The following EVC2 variants were observed in gnomAD, a reference collection of about 807,000 sequenced individuals.
EVC2 encodes EvC ciliary complex subunit 2.
EVC2 carries 148 observed loss-of-function variants against 149.3 expected under a neutral mutation model. That is an observed-to-expected ratio of 0.99 (90% CI 0.87 to 1.14). EVC2 has a LOEUF of 1.14. Ranked by LOEUF, EVC2 falls within the 50% of genes most tolerant of loss-of-function variation. The pLI, the probability that EVC2 is intolerant of heterozygous loss-of-function variation, is 0.00. For missense variants in EVC2, 1,854 were observed against 1,627.3 expected, an observed-to-expected ratio of 1.14 and a Z score of -2.40; for synonymous variants, 776 against 649.9, an observed-to-expected ratio of 1.19 and a Z score of -2.95.
At chr4:5,584,922 C>T in intron 16 of EVC2, 72 bp from the exon 17 acceptor site, 2 of 1,527,512 alleles carry the variant, frequency 1.3e-6, no homozygotes, top group Non-Finnish European at 1.8e-6. Context: ...AACAAACAGC[C>T]TTTCAGAGTT....
chr4:5,700,135 G>C (rs947293882), intron 1 of EVC2, among the ~76,000 whole-genome samples: 1 of 151,996 alleles, frequency 6.6e-6, no homozygotes, highest in Non-Finnish European at 1.5e-5. Context: ...GCGAGACTCC[G>C]TCTCAAAAAA....
At chr4:5,615,608 C>T in intron 15 of EVC2, 64 bp from the exon 16 acceptor site, 7 of 1,612,600 alleles carry the variant, frequency 4.3e-6, no homozygotes, top group Non-Finnish European at 5.9e-6. Flanking sequence ...TGCAGCTCCC[C>T]CGAGGGCTTT....
chr4:5,555,739 G>A (rs1473182430), intron 21 of EVC2, among the ~76,000 whole-genome samples: 1 of 152,138 alleles, frequency 6.6e-6, no homozygotes, highest in Non-Finnish European at 1.5e-5. Flanking sequence ...AGATCAAGCA[G>A]GCAAGAAATC....
At position 5,625,746 on chromosome 4, in the gene EVC2, T is replaced by C. The variant is rs1317545935; in HGVS notation, c.2046+3A>G. 1.9e-6 allele frequency: 3 copies of C among 1,614,080 alleles called. No individual in the cohort carries two copies. In the East Asian group the frequency reaches 6.7e-5, roughly 36 times the overall value. ...AGAATAAATAGCATCATGCCTTATA[T>C]ACCTTTTGTAGCAACTCTCGTCTTC... On this transcript the variant is annotated splice_donor_region_variant and intron_variant, in intron 13 of 21. Transcript: ENST00000344408. The surrounding 1 kb of genome is among the most constrained non-coding windows in gnomAD (Gnocchi z 4.0).
chr4:5,600,012 C>G (rs892971262), intron 16 of EVC2, among the ~76,000 whole-genome samples: 1 of 152,168 alleles, frequency 6.6e-6, no homozygotes, highest in Non-Finnish European at 1.5e-5. Flanking sequence ...CTTCTACCAC[C>G]CCTATCATCT....
intron 11 of EVC2, 90 bp downstream of exon 11, chr4:5,631,703 G>A (rs552671230): frequency 1.9e-6 from 3 of 1,549,720 alleles, no homozygotes; most frequent in African/African-American, 2.7e-5. Flanking sequence ...CAGTACAAAG[G>A]AGAGGCAGGA....
intron 1 of EVC2, among the ~76,000 whole-genome samples, chr4:5,699,642 C>CAAA (rs773633372): frequency 0.027 from 3,057 of 111,628 alleles, 124 homozygotes; most frequent in African/African-American, 0.099. Context: ...TCCATCTCTA[C>CAAA]AAAAAAAAAA....
downstream of EVC2, among the ~76,000 whole-genome samples, chr4:5,559,914 G>C (rs1721907436): frequency 6.6e-6 from 1 of 152,056 alleles, no homozygotes; most frequent in African/African-American, 2.4e-5. The surrounding 1 kb of genome is among the most constrained non-coding windows in gnomAD (Gnocchi z 5.0). Context: ...GCTGCTCATA[G>C]TGACTTCCTT....
In EVC2 at chr4:5,628,584, T is replaced by C. The variant is rs1286284839; in HGVS notation, c.1861A>G (p.Thr621Ala). 1 of 1,614,076 alleles carries C rather than the reference T, an allele frequency of 6.2e-7. No individual in the cohort carries two copies. Among genetic ancestry groups the C allele is most frequent in the Non-Finnish European group, 8.5e-7 (1 of 1,180,010 alleles). The change falls in exon 12 of 22, where the codon ACT (threonine) becomes GCT (alanine). Residue 621 changes from threonine to alanine, a missense_variant. By Grantham distance (58) the Thr-to-Ala change is moderately conservative (BLOSUM62 0). Transcript: ENST00000344408. Reference sequence around the variant, plus strand: ...CTCTCGTGCTTCTGAATGAGGTGAGTCAGCTGGGCTGCAGCGGTGCTCAGA... The same window carrying C: ...CTCTCGTGCTTCTGAATGAGGTGAGCCAGCTGGGCTGCAGCGGTGCTCAGA... Reference protein sequence around the residue: ...GLLSTAAAQLTHLIQKHERAG... With the variant: ...GLLSTAAAQLAHLIQKHERAG...
chr4:5,566,436 C>T (rs1016320064), intron 20 of EVC2, among the ~76,000 whole-genome samples: 3 of 152,188 alleles, frequency 2.0e-5, no homozygotes, highest in Non-Finnish European at 4.4e-5. Context: ...TTCCCTGGCC[C>T]TGCCCTTCCT....
At chr4:5,607,267 T>A (rs558545920) in intron 16 of EVC2, among the ~76,000 whole-genome samples, 6 of 152,308 alleles carry the variant, frequency 3.9e-5, no homozygotes, top group African/African-American at 1.4e-4. Context: ...TGAAAACAAT[T>A]GTAAAATTTC....
intron 7 of EVC2, among the ~76,000 whole-genome samples, chr4:5,669,804 T>C (rs1375409172): frequency 6.6e-6 from 1 of 152,192 alleles, no homozygotes; most frequent in Non-Finnish European, 1.5e-5. Flanking sequence ...GTGGGCAGTT[T>C]AGTGGAGCAG....
chr4:5,703,721 T>C (rs1268183174), intron 1 of EVC2, among the ~76,000 whole-genome samples: 5 of 152,228 alleles, frequency 3.3e-5, no homozygotes, highest in Admixed American at 1.3e-4. Context: ...AGAACACTAT[T>C]TAGGAAAATT....
At chr4:5,675,692 C>T (rs1328536985) in intron 7 of EVC2, among the ~76,000 whole-genome samples, 2 of 152,104 alleles carry the variant, frequency 1.3e-5, no homozygotes, top group Non-Finnish European at 2.9e-5. Flanking sequence ...TGCCTGTAAT[C>T]CCAGCACTTT....
At chr4:5,659,582 T>A (rs1158272261) in intron 9 of EVC2, among the ~76,000 whole-genome samples, 1 of 152,104 alleles carries the variant, frequency 6.6e-6, no homozygotes, top group Non-Finnish European at 1.5e-5. Context: ...GCATGCTTGA[T>A]AATCAATGCT....
At chr4:5,532,976 G>A in the EVC2 span, among the ~76,000 whole-genome samples, 1 of 151,116 alleles carries the variant, frequency 6.6e-6, no homozygotes, top group Non-Finnish European at 1.5e-5. Flanking sequence ...AGGAATAAAG[G>A]AACCGAACCT....
At chr4:5,702,070 G>A (rs140955862) in intron 1 of EVC2, among the ~76,000 whole-genome samples, 3 of 152,228 alleles carry the variant, frequency 2.0e-5, no homozygotes, top group African/African-American at 7.2e-5. Flanking sequence ...ATGAGAGTGG[G>A]TCACTTTCTT....
intron 9 of EVC2, among the ~76,000 whole-genome samples, chr4:5,645,588 A>T (rs1190882990): frequency 6.6e-6 from 1 of 152,176 alleles, no homozygotes; most frequent in African/African-American, 2.4e-5. Context: ...AAAAGACATG[A>T]TCTCACTCTT....
Position 5,689,356 on chromosome 4 carries a change from G to T in EVC2, c.520-13C>A. On this transcript the variant is annotated splice_polypyrimidine_tract_variant and intron_variant, in intron 4 of 21. Coordinates refer to ENST00000344408, the MANE Select transcript of EVC2 (RefSeq NM_147127.5). ...TCGACCCAGACACCTAGGGCAGAAG[G>T]AGAAGGCATGAGGGCAGATTTGCTG... 1 of 1,613,746 alleles carries T rather than the reference G, an allele frequency of 6.2e-7. No homozygotes were observed. Among genetic ancestry groups the T allele is most frequent in the South Asian group, 1.1e-5 (1 of 91,016 alleles).
Sources: allele counts gnomAD v4.1 joint callset (sites outside exome capture counted in the v4.1 genomes callset), GRCh38; gene constraint gnomAD v4.1.1; non-coding constraint Gnocchi (gnomAD v3.1); transcripts MANE v1.5; gene names NCBI Gene and HGNC (gene_info 2026-07-23, HGNC 2026-07-21).